Variants in INVS observed in about 807,000 individuals in gnomAD.
INVS encodes the protein inversion of embryo turning homolog.
A neutral mutation model predicts 108.8 loss-of-function variants in INVS; 86 were observed. The ratio of observed to expected loss-of-function variants is 0.79; its 90% confidence interval spans 0.66 to 0.95. The LOEUF (loss-of-function observed/expected upper bound fraction) is 0.95. Among genes scored for constraint, INVS ranks in the 40% least tolerant of loss-of-function variants. INVS has a pLI of 0.00. For synonymous variants in INVS, 455 were observed against 473.5 expected (o/e 0.96, Z 0.51); for missense variants, 1,169 against 1,297.4 (o/e 0.90, Z 1.52).
At chr9:100,158,250 A>G (rs1198394716) in intron 3 of INVS, among the ~76,000 whole-genome samples, 1 of 152,218 alleles carries the variant, frequency 6.6e-6, no homozygotes, top group African/African-American at 2.4e-5. Flanking sequence ...TCTGTAGCAT[A>G]AATATTACAT....
In INVS at chr9:100,284,486, C is replaced by G. The variant is rs779254702; in HGVS notation, c.1951C>G (p.Gln651Glu). Residue 651 changes from glutamine (Q) to glutamate (E), a missense_variant, in exon 13 of 17, where the codon CAA (glutamine) becomes GAA (glutamate). Gln to Glu is a conservative substitution (Grantham distance 29). This residue lies in a region of INVS where 533 missense variants were observed against 536.0 expected (regional missense o/e 0.99). Coordinates refer to ENST00000262457, the MANE Select transcript of INVS (RefSeq NM_014425.5). Reference sequence around the variant, plus strand: ...GCAGCCTCCTGCTGGCAACGTGGCCCAAGGCCCTGAGCCAAGAGACAGCAG... The same window carrying G: ...GCAGCCTCCTGCTGGCAACGTGGCCGAAGGCCCTGAGCCAAGAGACAGCAG... The part of the protein sequence containing the change: ...SKQPPAGNVA[Q>E]GPEPRDSRGS... 1 of 1,614,130 alleles carries G rather than the reference C, an allele frequency of 6.2e-7. No homozygotes were observed. The highest frequency in any genetic ancestry group is 8.5e-7 in the Non-Finnish European group (1 of 1,180,008).
intron 3 of INVS, among the ~76,000 whole-genome samples, chr9:100,191,052 G>A (rs2118156817): frequency 6.6e-6 from 1 of 152,066 alleles, no homozygotes; most frequent in Admixed American, 6.5e-5. Context: ...ATAGAGATGG[G>A]TTCTCTCTAT....
At chr9:100,223,732 T>A (rs1166687558) in intron 3 of INVS, among the ~76,000 whole-genome samples, 1 of 152,126 alleles carries the variant, frequency 6.6e-6, no homozygotes, top group Non-Finnish European at 1.5e-5. Context: ...TCCAGCAGAG[T>A]CCGTTGGCTT....
intron 10 of INVS, among the ~76,000 whole-genome samples, chr9:100,261,214 A>G (rs537848655): frequency 5.3e-5 from 8 of 152,196 alleles, no homozygotes; most frequent in Non-Finnish European, 1.0e-4. Flanking sequence ...AAAAGTAACA[A>G]AGAAAAGTAT....
chr9:100,264,974 G>A (rs777228931), intron 11 of INVS, 46 bp downstream of exon 11: 30 of 1,275,702 alleles, frequency 2.4e-5, no homozygotes, highest in African/African-American at 1.5e-4. Flanking sequence ...ATGGCTTCTC[G>A]CCCTGTCACT....
At chr9:100,134,362 G>A (rs1000613405) in intron 3 of INVS, among the ~76,000 whole-genome samples, 7 of 152,140 alleles carry the variant, frequency 4.6e-5, no homozygotes, top group Admixed American at 4.6e-4. Context: ...CATTTGGGTT[G>A]GTTCCACAAT....
intron 2 of INVS, among the ~76,000 whole-genome samples, chr9:100,116,512 G>A (rs1827535435): frequency 1.3e-5 from 2 of 152,006 alleles, no homozygotes; most frequent in African/African-American, 4.8e-5. Flanking sequence ...CTCCCAATTT[G>A]TGGCTTTTTA....
chr9:100,158,935 C>T (rs955872746), intron 3 of INVS, among the ~76,000 whole-genome samples: 11 of 152,234 alleles, frequency 7.2e-5, no homozygotes, highest in Admixed American at 1.3e-4. Flanking sequence ...TTCTCTCTCT[C>T]CCTCTCTCTC....
chr9:100,288,403 C>G (rs1212289732), intron 13 of INVS, among the ~76,000 whole-genome samples: 4 of 152,150 alleles, frequency 2.6e-5, no homozygotes, highest in Non-Finnish European at 1.5e-5. Flanking sequence ...GCGATTATCT[C>G]AAAAACTTCA....
intron 3 of INVS, among the ~76,000 whole-genome samples, chr9:100,134,252 A>C (rs1456056227): frequency 6.6e-6 from 1 of 152,176 alleles, no homozygotes; most frequent in Admixed American, 6.5e-5. Flanking sequence ...CATCCAGGTC[A>C]TTGCAAATGC....
intron 3 of INVS, among the ~76,000 whole-genome samples, chr9:100,166,338 A>G (rs1245620878): frequency 6.6e-6 from 1 of 152,140 alleles, no homozygotes; most frequent in Non-Finnish European, 1.5e-5. Context: ...GGAAGACCCC[A>G]TCTCTACAAA....
At chr9:100,118,970 C>A (rs140828848) in intron 2 of INVS, among the ~76,000 whole-genome samples, 1 of 152,206 alleles carries the variant, frequency 6.6e-6, no homozygotes, top group Admixed American at 6.5e-5. Context: ...CTTTCCAGCA[C>A]CATTTATTTA....
intron 2 of INVS, among the ~76,000 whole-genome samples, chr9:100,116,368 C>G (rs536384569): frequency 1.3e-5 from 2 of 152,064 alleles, no homozygotes; most frequent in African/African-American, 4.8e-5. Context: ...CTCTGCCTCC[C>G]AAAGTGCTGG....
chr9:100,276,529 G>A (rs2118687485), intron 12 of INVS, among the ~76,000 whole-genome samples: 1 of 151,162 alleles, frequency 6.6e-6, no homozygotes, highest in Non-Finnish European at 1.5e-5. Flanking sequence ...TCTTTTTTTT[G>A]AGACAGAGTC....
Position 100,292,480 on chromosome 9 carries a change from C to A in INVS, c.2223C>A (p.Phe741Leu). 6.2e-7 allele frequency: 1 copy of A among 1,614,090 alleles called. No homozygotes were observed. Among genetic ancestry groups the A allele is most frequent in the Non-Finnish European group, 8.5e-7 (1 of 1,180,018 alleles). Residue 741 changes from phenylalanine to leucine, a missense_variant, in exon 14 of 17, where the codon TTC (phenylalanine) becomes TTA (leucine). Phe to Leu is a conservative substitution (Grantham distance 22). Transcript: ENST00000262457. ...AGCGGTGTGCAAAGGGGAAAGGCTT[C>A]GTGAAGCAGCCCTCCTGTATCAGGG... ...GDERCAKGKG[F>L]VKQPSCIRVA...
intron 3 of INVS, among the ~76,000 whole-genome samples, chr9:100,128,127 T>C (rs1317792710): frequency 6.6e-6 from 1 of 152,162 alleles, no homozygotes; most frequent in Non-Finnish European, 1.5e-5. Context: ...GTAGAAGTAT[T>C]ATATGACAAA....
intron 2 of INVS, chr9:100,117,304 C>A: frequency 1.4e-6 from 1 of 728,158 alleles, no homozygotes; most frequent in Non-Finnish European, 2.5e-6. Flanking sequence ...TCTGCACCGG[C>A]GTAACCTTCA....
chr9:100,142,836 C>A (rs539057095), intron 3 of INVS, among the ~76,000 whole-genome samples: 2 of 152,120 alleles, frequency 1.3e-5, no homozygotes, highest in Non-Finnish European at 2.9e-5. Context: ...GACAGAAAGG[C>A]TATAGGACGT....
intron 12 of INVS, among the ~76,000 whole-genome samples, chr9:100,281,024 C>G (rs929170842): frequency 2.6e-5 from 4 of 152,066 alleles, no homozygotes; most frequent in African/African-American, 9.7e-5. Flanking sequence ...GACCCTGTTT[C>G]TAAAAATAAA....
Sources: gnomAD v4.1 joint callset for allele counts (sites outside exome capture counted in the v4.1 genomes callset) on GRCh38, gnomAD v4.1.1 for gene constraint, gnomAD v4.1.1 regional missense constraint, MANE v1.5 for transcripts, NCBI Gene and HGNC (gene_info 2026-07-23, HGNC 2026-07-21) for gene names.